Variants in SEMA3E observed in about 807,000 individuals in gnomAD.
The protein encoded by SEMA3E is semaphorin-3E.
Under a neutral mutation model 93.6 loss-of-function variants are expected in SEMA3E, and 49 were observed. That is an observed-to-expected ratio of 0.52 (90% confidence interval 0.42 to 0.66). The LOEUF (loss-of-function observed/expected upper bound fraction) is 0.66, where lower values mean the gene tolerates loss of function less well. SEMA3E is among the 30% of genes least tolerant of loss of function. The pLI, the probability that SEMA3E is intolerant of heterozygous loss-of-function variation, is 0.00. For missense variants in SEMA3E, 906 were observed against 964.8 expected, an observed-to-expected ratio of 0.94 and a Z score of 0.81; for synonymous variants, 363 against 330.7, an observed-to-expected ratio of 1.10 and a Z score of -1.06.
intron 1 of SEMA3E, among the ~76,000 whole-genome samples, chr7:83,631,842 C>T (rs533355163): frequency 5.3e-5 from 8 of 152,262 alleles, no homozygotes; most frequent in African/African-American, 1.2e-4. Flanking sequence ...GCTGTCAACT[C>T]GGGTGGCTTT....
At chr7:83,458,844 TTTC>T (rs1409115992) in intron 4 of SEMA3E, among the ~76,000 whole-genome samples, 4 of 147,954 alleles carry the variant, frequency 2.7e-5, no homozygotes, top group African/African-American at 4.9e-5. Context: ...TATATATATT[TTTC>T]TTTTTTGTTA....
chr7:83,536,526 A>G (rs775843517), intron 1 of SEMA3E, among the ~76,000 whole-genome samples: 2 of 152,104 alleles, frequency 1.3e-5, no homozygotes, highest in Non-Finnish European at 2.9e-5. Context: ...AAGTCTACCT[A>G]AAGCAAAACA....
At chr7:83,498,507 T>TC (rs1265080493) in intron 1 of SEMA3E, among the ~76,000 whole-genome samples, 1 of 151,406 alleles carries the variant, frequency 6.6e-6, no homozygotes, top group African/African-American at 2.4e-5. Context: ...TGAAACAGAG[T>TC]CACTCTGTTG....
At chr7:83,588,339 C>A (rs1357886940) in intron 1 of SEMA3E, among the ~76,000 whole-genome samples, 2 of 151,946 alleles carry the variant, frequency 1.3e-5, no homozygotes, top group Admixed American at 6.6e-5. Context: ...TGAGACCGTG[C>A]CACTGCACTC....
chr7:83,429,679 A>G (rs993551242), intron 4 of SEMA3E, among the ~76,000 whole-genome samples: 5 of 152,124 alleles, frequency 3.3e-5, no homozygotes, highest in African/African-American at 1.2e-4. Context: ...GTTTGCCCTC[A>G]GGCTTTGTCC....
At chr7:83,386,855 G>T in intron 15 of SEMA3E, 128 bp downstream of exon 15, 3 of 845,180 alleles carry the variant, frequency 3.5e-6, no homozygotes, top group Non-Finnish European at 5.6e-6. Context: ...CAGAGAAAAA[G>T]AATACTTATT....
intron 16 of SEMA3E, among the ~76,000 whole-genome samples, chr7:83,379,867 C>T (rs186349135): frequency 3.3e-5 from 5 of 151,986 alleles, no homozygotes; most frequent in African/African-American, 9.6e-5. Context: ...CACAGTAAGT[C>T]ATATTTAAGT....
At chr7:83,523,946 G>A (rs1281414042) in intron 1 of SEMA3E, among the ~76,000 whole-genome samples, 2 of 151,912 alleles carry the variant, frequency 1.3e-5, no homozygotes, top group Non-Finnish European at 2.9e-5. Context: ...AATATTTCAC[G>A]TTTCTTTTGA....
chr7:83,367,230 C>A lies in SEMA3E; in HGVS notation c.*356G>T. 2 of 226,712 alleles carry A rather than the reference C, an allele frequency of 8.8e-6. No homozygotes were observed. Among genetic ancestry groups the A allele is most frequent in the Non-Finnish European group, 1.8e-5 (2 of 114,164 alleles). The allele number at this position is 226,712 out of a possible 1,614,324, so 14.0% of individuals were successfully genotyped here. On this transcript the variant is annotated 3_prime_UTR_variant, in exon 17 of 17. Transcript: ENST00000643230. ...AAAACATATTTAGTTTTATATTTAC[C>A]ATGATTATAAGTCTCCAATTTTTCT...
At chr7:83,488,831 T>C (rs1415848407) in intron 2 of SEMA3E, among the ~76,000 whole-genome samples, 1 of 152,042 alleles carries the variant, frequency 6.6e-6, no homozygotes, top group African/African-American at 2.4e-5. Flanking sequence ...TGATGAAAAC[T>C]GGTAAATTGT....
chr7:83,399,983 T>G, intron 11 of SEMA3E, 45 bp downstream of exon 11: 9 of 1,397,128 alleles, frequency 6.4e-6, no homozygotes, highest in Non-Finnish European at 9.2e-6. Context: ...TTATTGAATT[T>G]AAGGGTCAAT....
intron 2 of SEMA3E, among the ~76,000 whole-genome samples, chr7:83,487,832 G>A (rs562359435): frequency 2.1e-4 from 32 of 151,442 alleles, no homozygotes; most frequent in South Asian, 2.1e-4. Context: ...GGAAAGATAG[G>A]GTGAAATGCA....
intron 16 of SEMA3E, among the ~76,000 whole-genome samples, chr7:83,378,554 C>A (rs1050740818): frequency 6.6e-6 from 1 of 151,936 alleles, no homozygotes; most frequent in Non-Finnish European, 1.5e-5. Context: ...TTCAACAGAG[C>A]ACCATTCATC....
At chr7:83,398,292 G>T (rs1246175453) in intron 11 of SEMA3E, among the ~76,000 whole-genome samples, 2 of 151,990 alleles carry the variant, frequency 1.3e-5, no homozygotes, top group African/African-American at 4.8e-5. Flanking sequence ...GCTTTCCAGG[G>T]CATTTAAAAA....
At chr7:83,595,764 A>G (rs2115963205) in intron 1 of SEMA3E, among the ~76,000 whole-genome samples, 1 of 152,176 alleles carries the variant, frequency 6.6e-6, no homozygotes, top group South Asian at 2.1e-4. Flanking sequence ...GAGAGGAATC[A>G]CATCTCGGTA....
chr7:83,594,403 G>C (rs767214418), intron 1 of SEMA3E, among the ~76,000 whole-genome samples: 1 of 152,032 alleles, frequency 6.6e-6, no homozygotes, highest in Non-Finnish European at 1.5e-5. Flanking sequence ...GTAAACAAAC[G>C]AACCATTTCC....
intron 3 of SEMA3E, among the ~76,000 whole-genome samples, chr7:83,469,018 A>G (rs1011482995): frequency 1.3e-5 from 2 of 152,240 alleles, no homozygotes; most frequent in Non-Finnish European, 2.9e-5. Flanking sequence ...TTAAGATATT[A>G]GAAAACAAAA....
intron 1 of SEMA3E, among the ~76,000 whole-genome samples, chr7:83,599,325 GGTAAA>G (rs1177435701): frequency 6.6e-6 from 1 of 152,036 alleles, no homozygotes; most frequent in Non-Finnish European, 1.5e-5. Context: ...CTTCTAGAGG[GGTAAA>G]GTATTCTGTG....
intron 1 of SEMA3E, among the ~76,000 whole-genome samples, chr7:83,606,500 A>G (rs1040361138): frequency 6.7e-6 from 1 of 149,146 alleles, no homozygotes; most frequent in African/African-American, 2.5e-5. Flanking sequence ...TTCTCAGTAA[A>G]CTATCGCAAG....
Sources: gnomAD v4.1 joint callset for allele counts (sites outside exome capture counted in the v4.1 genomes callset) on GRCh38, gnomAD v4.1.1 for gene constraint, MANE v1.5 for transcripts, NCBI Gene and HGNC (gene_info 2026-07-23, HGNC 2026-07-21) for gene names.